NCAPG: variants seen among roughly 807,000 people sequenced by gnomAD.
The protein encoded by NCAPG is non-SMC condensin I complex subunit G.
Under a neutral mutation model 113.1 loss-of-function variants are expected in NCAPG, and 69 were observed. The ratio of observed to expected loss-of-function variants is 0.61; its 90% confidence interval spans 0.50 to 0.75. NCAPG has a LOEUF of 0.75. Ranked by LOEUF, NCAPG falls within the 30% of genes least tolerant of loss-of-function variation. NCAPG has a pLI of 0.00. For missense variants in NCAPG, 1,058 were observed against 1,177.0 expected (o/e 0.90, Z 1.48); for synonymous variants, 370 against 415.8 (o/e 0.89, Z 1.34).
chr4:17,833,622 CTA>C (rs543966237), intron 13 of NCAPG, among the ~76,000 whole-genome samples: 110 of 150,616 alleles, frequency 7.3e-4, no homozygotes, highest in South Asian at 2.3e-3. Flanking sequence ...TAATTTCTCA[CTA>C]TATATATATA....
chr4:17,841,978 CAAT>C (rs982881257), intron 19 of NCAPG: 53 of 205,834 alleles, frequency 2.6e-4, no homozygotes, highest in African/African-American at 1.1e-3. Flanking sequence ...TGTGCTATAG[CAAT>C]AATAGAGGTA....
chr4:17,821,120 TAA>T (rs540321812), intron 7 of NCAPG, among the ~76,000 whole-genome samples: 23 of 147,256 alleles, frequency 1.6e-4, no homozygotes, highest in African/African-American at 5.0e-4. Flanking sequence ...TGAATTTACT[TAA>T]AAAAAAAAAC....
Position 17,817,965 on chromosome 4 carries a change from C to G in NCAPG, c.995C>G (p.Thr332Ser). 6.2e-7 allele frequency: 1 copy of G among 1,603,436 alleles called. No homozygotes were observed. The highest frequency in any genetic ancestry group is 1.1e-5 in the South Asian group (1 of 88,178). The change falls in exon 7 of 21, where the codon ACT becomes AGT. Residue 332 changes from threonine (T) to serine (S), a missense_variant. By Grantham distance (58) the Thr-to-Ser change is moderately conservative (BLOSUM62 1). Transcript: ENST00000251496. ...GRKLIPVETL[T>S]PEIALYWCAL... ...AAATTGATTCCAGTGGAAACATTAA[C>G]TCCTGAAATTGCTTTGTATTGGTGT...
At chr4:17,823,931 C>G (rs1176930549) in intron 9 of NCAPG, among the ~76,000 whole-genome samples, 161 bp downstream of exon 9, 1 of 152,096 alleles carries the variant, frequency 6.6e-6, no homozygotes, top group African/African-American at 2.4e-5. Flanking sequence ...CTCTTACATA[C>G]ACAGAATATT....
chr4:17,825,292 T>C (rs1721617061), intron 10 of NCAPG, 90 bp from the exon 11 acceptor site: 8 of 1,197,690 alleles, frequency 6.7e-6, no homozygotes, highest in Non-Finnish European at 9.3e-6. Flanking sequence ...TTCTGGGCAG[T>C]TGAGATATTA....
intron 13 of NCAPG, among the ~76,000 whole-genome samples, chr4:17,831,936 T>C (rs1332317255): frequency 6.6e-6 from 1 of 152,022 alleles, no homozygotes; most frequent in Non-Finnish European, 1.5e-5. Context: ...TGGCAAACCT[T>C]TTGTGTACAG....
At position 17,811,406 on chromosome 4, in the gene NCAPG, C is replaced by A. The variant is rs889149592; in HGVS notation, c.111+218C>A. Among the ~76,000 whole-genome samples the A allele has an allele frequency of 2.0e-5, 3 of 152,238 alleles. No homozygotes were observed. The highest frequency in any genetic ancestry group is 7.2e-5 in the African/African-American group (3 of 41,462). On this transcript the variant is annotated intron_variant, in intron 1 of 20. Transcript: ENST00000251496. This position sits in a 1 kb window ranked among gnomAD's most constrained non-coding sequence, Gnocchi z 5.3. ...CTCCGAAGCCTGGGCGTCGTTCACA[C>A]GGGCCCCGCCTTGGCTTTTCTGAGC...
Position 17,843,435 on chromosome 4 carries a change from T to C in NCAPG, c.*10T>C. 1 of 1,610,252 alleles carries C rather than the reference T, an allele frequency of 6.2e-7. No homozygotes were observed. ...TGAAGATCTAAGTTAGGAAAGACGA[T>C]GGAGGTGGAATCCTTTAAGATTATG... is the stretch of plus-strand genomic sequence containing the variant. On this transcript the variant is annotated 3_prime_UTR_variant, in exon 21 of 21. Transcript: ENST00000251496.
At chr4:17,843,222 A>T in intron 20 of NCAPG, 80 bp from the exon 21 acceptor site, 1 of 1,476,922 alleles carries the variant, frequency 6.8e-7, no homozygotes, top group Non-Finnish European at 9.2e-7. Context: ...AATGTGAGTC[A>T]GAAACAAAAA....
In NCAPG at chr4:17,839,850, C is replaced by A; in HGVS notation, c.2628+13C>A. The A allele has an allele frequency of 6.4e-7, 1 of 1,571,826 alleles. No individual in the cohort carries two copies. Among genetic ancestry groups the A allele is most frequent in the East Asian group, 2.3e-5 (1 of 43,726 alleles). On this transcript the variant is annotated intron_variant, in intron 17 of 20. Coordinates refer to ENST00000251496, the MANE Select transcript of NCAPG (RefSeq NM_022346.5). ...TGAGATTCTGGAGGTAAAGTAGTTT[C>A]TCATTACTCTAAATTAGTTTGTGTT...
At chr4:17,815,407 C>G (rs1435516327) in intron 5 of NCAPG, 49 bp downstream of exon 5, 2 of 1,364,770 alleles carry the variant, frequency 1.5e-6, no homozygotes, top group Non-Finnish European at 2.0e-6. Context: ...ATTTTGAGGT[C>G]AGACTTAACA....
chr4:17,813,372 C>T (rs2109042318), intron 3 of NCAPG: 1 of 340,388 alleles, frequency 2.9e-6, no homozygotes, highest in Non-Finnish European at 5.3e-6. Context: ...ACTATTAAAT[C>T]CTCAGTTTGG....
chr4:17,838,469 C>T (rs1722192356), intron 16 of NCAPG, among the ~76,000 whole-genome samples: 2 of 152,074 alleles, frequency 1.3e-5, no homozygotes. Context: ...AGTAATAGAG[C>T]TATTAAGCAC....
rs1419369909 is a variant in NCAPG at position 17,843,992 on chromosome 4, T to C, written c.*567T>C. 1 of 152,034 alleles carries C rather than the reference T, an allele frequency of 6.6e-6. No homozygotes were observed. The highest frequency in any genetic ancestry group is 1.5e-5 in the Non-Finnish European group (1 of 67,902). The allele number at this position is 152,034 out of a possible 1,614,324, so 9.4% of individuals were successfully genotyped here. On this transcript the variant is annotated 3_prime_UTR_variant, in exon 21 of 21. Coordinates refer to ENST00000251496, the MANE Select transcript of NCAPG (RefSeq NM_022346.5). Reference sequence around the variant, plus strand: ...TACAGTGAAAACATTTTTGGTGATATCTGCCTGGGAAATCTCTCTTCCTAA... The same window carrying C: ...TACAGTGAAAACATTTTTGGTGATACCTGCCTGGGAAATCTCTCTTCCTAA...
intron 17 of NCAPG, 77 bp downstream of exon 17, chr4:17,839,914 T>C: frequency 6.8e-7 from 1 of 1,469,038 alleles, no homozygotes; most frequent in Non-Finnish European, 9.2e-7. Flanking sequence ...TTGTATTAGA[T>C]TATACATATG....
Position 17,843,458 on chromosome 4 carries a change from A to T in NCAPG, c.*33A>T. 1.2e-6 allele frequency: 2 copies of T among 1,602,142 alleles called. No individual in the cohort carries two copies. Among genetic ancestry groups the T allele is most frequent in the Non-Finnish European group, 1.7e-6 (2 of 1,172,902 alleles). On this transcript the variant is annotated 3_prime_UTR_variant, in exon 21 of 21. Coordinates refer to ENST00000251496, the MANE Select transcript of NCAPG (RefSeq NM_022346.5). ...GATGGAGGTGGAATCCTTTAAGATT[A>T]TGTCCAGTTATTTGCTTTAATAAAG...
intron 6 of NCAPG, 123 bp downstream of exon 6, chr4:17,817,576 CT>C: frequency 1.3e-6 from 1 of 792,474 alleles, no homozygotes; most frequent in Non-Finnish European, 1.9e-6. Context: ...CTTTTGTTTT[CT>C]TTTAGTCTGA....
chr4:17,834,237 G>T, intron 13 of NCAPG, 62 bp from the exon 14 acceptor site: 3 of 1,091,340 alleles, frequency 2.7e-6, no homozygotes, highest in Non-Finnish European at 1.3e-6. Flanking sequence ...TTAATTTTAT[G>T]TAAACAGAAA....
Position 17,840,673 on chromosome 4 carries a change from C to T in NCAPG, c.2834C>T (p.Thr945Ile). ...GVKATQASKS[T>I]QLKTNRGQRK... Reference sequence around the variant, plus strand: ...AAAGCAACCCAAGCATCAAAGTCTACTCAGCTAAAGACTAACAGAGGTAGT... The same window carrying T: ...AAAGCAACCCAAGCATCAAAGTCTATTCAGCTAAAGACTAACAGAGGTAGT... Residue 945 changes from threonine (T) to isoleucine (I), a missense_variant, in exon 19 of 21, where the codon ACT (threonine) becomes ATT (isoleucine). By Grantham distance (89) the Thr-to-Ile change is moderately conservative. Transcript: ENST00000251496. 6.4e-7 allele frequency: 1 copy of T among 1,554,248 alleles called. No homozygotes were observed. The highest frequency in any genetic ancestry group is 8.7e-7 in the Non-Finnish European group (1 of 1,151,888).
Sources: gnomAD v4.1 joint callset for allele counts (sites outside exome capture counted in the v4.1 genomes callset) on GRCh38, gnomAD v4.1.1 for gene constraint, Gnocchi (gnomAD v3.1) non-coding constraint, MANE v1.5 for transcripts, NCBI Gene and HGNC (gene_info 2026-07-23, HGNC 2026-07-21) for gene names.